The following CACNA1E variants were observed in gnomAD, a reference collection of about 807,000 sequenced individuals.
The protein encoded by CACNA1E is calcium voltage-gated channel subunit alpha1 E.
In CACNA1E, 40 loss-of-function variants were observed where a neutral mutation model predicts 259.2. That is an observed-to-expected ratio of 0.15 (90% CI 0.12 to 0.20). CACNA1E has a LOEUF of 0.20. Among genes scored for constraint, CACNA1E ranks in the 10% least tolerant of loss-of-function variants. CACNA1E has a pLI of 1.00. For missense variants in CACNA1E, 1,874 were observed against 3,040.1 expected (o/e 0.62, Z 9.02); for synonymous variants, 1,104 against 1,138.5 (o/e 0.97, Z 0.61).
intron 3 of CACNA1E, among the ~76,000 whole-genome samples, chr1:181,540,028 C>A (rs1668462878): frequency 6.6e-6 from 1 of 152,176 alleles, no homozygotes; most frequent in Admixed American, 6.5e-5. Context: ...TCACCATCAG[C>A]AGATGCTCAA....
Position 181,737,508 on chromosome 1 carries a change from A to G in CACNA1E, c.3423-17A>G, listed in dbSNP as rs1656154750. 3.7e-6 allele frequency: 6 copies of G among 1,613,394 alleles called. No individual in the cohort carries two copies. The African/African-American group carries it at 5.3e-5, about 14-fold the overall frequency. ...TGGTGGGGAGTGGGCCAGCTCAGCC[A>G]TGCCCACTGCCCGCAGGATCCGGAG... On this transcript the variant is annotated splice_polypyrimidine_tract_variant and intron_variant, in intron 22 of 47. Coordinates refer to ENST00000367573, the MANE Select transcript of CACNA1E (RefSeq NM_001205293.3).
chr1:181,429,288 G>A (rs557501248), intron 2 of CACNA1E, among the ~76,000 whole-genome samples: 1 of 152,322 alleles, frequency 6.6e-6, no homozygotes, highest in East Asian at 1.9e-4. Context: ...ATGTGGATTA[G>A]AGGTGGTCCT....
chr1:181,791,656 T>C (rs1661321562), intron 44 of CACNA1E, among the ~76,000 whole-genome samples: 3 of 152,110 alleles, frequency 2.0e-5, no homozygotes, highest in Admixed American at 6.5e-5. Flanking sequence ...ACCCCGACCT[T>C]AGCTTAGAAT....
chr1:181,438,357 G>A (rs1358642722), intron 2 of CACNA1E, among the ~76,000 whole-genome samples: 1 of 152,216 alleles, frequency 6.6e-6, no homozygotes, highest in East Asian at 1.9e-4. Context: ...TGCAAGAGAA[G>A]TTGACTTCCT....
chr1:181,323,841 T>C (rs1650559085), intron 1 of CACNA1E, among the ~76,000 whole-genome samples: 1 of 152,194 alleles, frequency 6.6e-6, no homozygotes, highest in South Asian at 2.1e-4. Flanking sequence ...TTTTGTTGGA[T>C]CTCAGACTCT....
chr1:181,764,798 G>A (rs1308710912), intron 34 of CACNA1E, among the ~76,000 whole-genome samples: 2 of 151,744 alleles, frequency 1.3e-5, no homozygotes, highest in Non-Finnish European at 2.9e-5. Context: ...TTTTTTTAGA[G>A]GATTGCCCAA....
intron 38 of CACNA1E, among the ~76,000 whole-genome samples, chr1:181,778,638 C>T (rs1660159671): frequency 6.6e-6 from 1 of 152,160 alleles, no homozygotes; most frequent in South Asian, 2.1e-4. Context: ...TTAATTCTAT[C>T]CCTTCCATAG....
intron 3 of CACNA1E, among the ~76,000 whole-genome samples, chr1:181,553,095 T>A (rs1018717975): frequency 6.6e-6 from 1 of 152,240 alleles, no homozygotes; most frequent in African/African-American, 2.4e-5. Context: ...TTGGGCAGTA[T>A]GGCCATTTTT....
chr1:181,742,828 G>A (rs1418826510), intron 25 of CACNA1E, among the ~76,000 whole-genome samples: 1 of 152,196 alleles, frequency 6.6e-6, no homozygotes, highest in Non-Finnish European at 1.5e-5. Context: ...GTTCTCCACA[G>A]CTGCATACAT....
intron 2 of CACNA1E, among the ~76,000 whole-genome samples, chr1:181,476,156 G>T (rs1662835720): frequency 6.6e-6 from 1 of 152,174 alleles, no homozygotes. Context: ...GGGACCATCA[G>T]GGGTTCAGTG....
chr1:181,331,566 C>A (rs530016361), intron 1 of CACNA1E, among the ~76,000 whole-genome samples: 1 of 152,150 alleles, frequency 6.6e-6, no homozygotes, highest in Non-Finnish European at 1.5e-5. Context: ...ATTAAAGGTA[C>A]GCTTTCCCCA....
chr1:181,411,072 G>A, intron 1 of CACNA1E, among the ~76,000 whole-genome samples: 1 of 152,118 alleles, frequency 6.6e-6, no homozygotes, highest in East Asian at 1.9e-4. Flanking sequence ...TGCCACCTGT[G>A]GTCACTGAGA....
intron 3 of CACNA1E, among the ~76,000 whole-genome samples, chr1:181,540,149 A>C (rs555979597): frequency 1.3e-5 from 2 of 152,260 alleles, no homozygotes; most frequent in South Asian, 4.1e-4. Context: ...AAATCCCCCG[A>C]TGTAAACGCA....
chr1:181,579,265 C>G, intron 5 of CACNA1E, 41 bp downstream of exon 5: 1 of 1,548,502 alleles, frequency 6.5e-7, no homozygotes, highest in Non-Finnish European at 8.8e-7. Flanking sequence ...TCCCTTCTCC[C>G]CTCTGTTAAC....
At chr1:181,591,061 C>G (rs1052325610) in intron 6 of CACNA1E, among the ~76,000 whole-genome samples, 1 of 152,114 alleles carries the variant, frequency 6.6e-6, no homozygotes, top group Admixed American at 6.5e-5. Context: ...GTTACAAAAC[C>G]TTCCACTGTA....
intron 6 of CACNA1E, among the ~76,000 whole-genome samples, chr1:181,625,118 G>A (rs1558198096): frequency 1.4e-5 from 2 of 138,426 alleles, no homozygotes; most frequent in South Asian, 2.3e-4. Context: ...AAACCATGCT[G>A]TAAACAGATG....
At chr1:181,716,303 A>G (rs1653889103) in intron 10 of CACNA1E, among the ~76,000 whole-genome samples, 174 bp downstream of exon 10, 1 of 151,960 alleles carries the variant, frequency 6.6e-6, no homozygotes, top group Non-Finnish European at 1.5e-5. Context: ...ATTTAAAAAA[A>G]AAAAAAAAAG....
intron 8 of CACNA1E, 131 bp from the exon 9 acceptor site, chr1:181,715,207 G>T: frequency 1.6e-6 from 1 of 631,076 alleles, no homozygotes; most frequent in Non-Finnish European, 2.8e-6. Context: ...TCTGATGCTG[G>T]TGCCTGTGAC....
At chr1:181,348,302 G>A (rs1652772065) in intron 1 of CACNA1E, among the ~76,000 whole-genome samples, 1 of 152,074 alleles carries the variant, frequency 6.6e-6, no homozygotes, top group African/African-American at 2.4e-5. Context: ...CAGCATGGGG[G>A]AGGGTATCAA....
Sources: allele counts gnomAD v4.1 joint callset (sites outside exome capture counted in the v4.1 genomes callset), GRCh38; gene constraint gnomAD v4.1.1; transcripts MANE v1.5; gene names NCBI Gene and HGNC (gene_info 2026-07-23, HGNC 2026-07-21).